Variants in MRTO4 observed in about 807,000 individuals in gnomAD.
The protein encoded by MRTO4 is mRNA turnover protein 4 homolog.
In MRTO4, 7 loss-of-function variants were observed where a neutral mutation model predicts 28.6. That is an observed-to-expected ratio of 0.24 (90% CI 0.14 to 0.46). The LOEUF (loss-of-function observed/expected upper bound fraction) is 0.46, where lower values mean the gene tolerates loss of function less well. Ranked by LOEUF, MRTO4 falls within the 20% of genes least tolerant of loss-of-function variation. The pLI, the probability that MRTO4 is intolerant of heterozygous loss-of-function variation, is 0.99. For missense variants in MRTO4, 302 were observed against 298.3 expected (o/e 1.01, Z -0.09); for synonymous variants, 113 against 108.2 (o/e 1.04, Z -0.27).
At chr1:19,257,310 G>T (rs948104716) in intron 4 of MRTO4, 144 bp from the exon 5 acceptor site, 2 of 1,166,272 alleles carry the variant, frequency 1.7e-6, no homozygotes, top group African/African-American at 1.5e-5. Context: ...CCAAGGAATA[G>T]CAGCTTCCTG....
intron 3 of MRTO4, among the ~76,000 whole-genome samples, chr1:19,256,413 G>T (rs112946021): frequency 7.9e-5 from 12 of 152,202 alleles, no homozygotes; most frequent in Non-Finnish European, 1.6e-4. Flanking sequence ...CTACTCAGGA[G>T]GCTGAAGCAG....
At chr1:19,257,227 C>A in intron 4 of MRTO4, 82 bp downstream of exon 4, 1 of 1,472,674 alleles carries the variant, frequency 6.8e-7, no homozygotes, top group Non-Finnish European at 9.4e-7. Context: ...CCTCCCCCAG[C>A]CATTGGCAGG....
At chr1:19,258,620 C>T (rs1194573903) in intron 7 of MRTO4, 61 bp from the exon 8 acceptor site, 5 of 1,613,694 alleles carry the variant, frequency 3.1e-6, no homozygotes, top group Middle Eastern at 1.6e-4. Context: ...GCTGAAAATG[C>T]CCCCCTGCAC....
At chr1:19,256,601 G>A (rs548694839) in intron 3 of MRTO4, among the ~76,000 whole-genome samples, 2 of 152,314 alleles carry the variant, frequency 1.3e-5, no homozygotes, top group South Asian at 4.1e-4. Context: ...TTCCGGAGAA[G>A]TGGCCCTTTA....
chr1:19,258,311 G>T (rs904385240), intron 6 of MRTO4, among the ~76,000 whole-genome samples, 166 bp from the exon 7 acceptor site: 1 of 152,180 alleles, frequency 6.6e-6, no homozygotes, highest in Non-Finnish European at 1.5e-5. Context: ...AGGAGGTCGA[G>T]GCTGCGGCAA....
At chr1:19,254,538 A>G (rs1387358214) in intron 1 of MRTO4, among the ~76,000 whole-genome samples, 1 of 152,190 alleles carries the variant, frequency 6.6e-6, no homozygotes, top group African/African-American at 2.4e-5. Flanking sequence ...AGAAAGGCCT[A>G]GTTTGTCTAA....
In MRTO4 at chr1:19,259,821, C is replaced by G. The variant is rs555901942; in HGVS notation, c.*991C>G. 6.6e-6 allele frequency: 1 copy of G among 152,396 alleles called. No individual in the cohort carries two copies. The highest frequency in any genetic ancestry group is 6.5e-5 in the Admixed American group (1 of 15,300). 9.4% of individuals were successfully genotyped at this position (152,396 alleles called of 1,614,324 possible). On this transcript the variant is annotated 3_prime_UTR_variant, in exon 8 of 8. Coordinates refer to ENST00000330263, the MANE Select transcript of MRTO4 (RefSeq NM_016183.4). ...TGACATCACTGCAAGAGTTGAGAGC[C>G]AGCGTCTAAAGTGTCCACGGCATCC...
At chr1:19,253,678 T>C (rs2093667148) in intron 1 of MRTO4, among the ~76,000 whole-genome samples, 1 of 152,206 alleles carries the variant, frequency 6.6e-6, no homozygotes, top group Non-Finnish European at 1.5e-5. Flanking sequence ...TCGTTTGCCC[T>C]CCTCTGCTCC....
chr1:19,257,369 C>A, intron 4 of MRTO4, 85 bp from the exon 5 acceptor site: 1 of 1,496,494 alleles, frequency 6.7e-7, no homozygotes, highest in Non-Finnish European at 9.3e-7. Flanking sequence ...TTAAATGTTG[C>A]CAAATGTACC....
chr1:19,258,063 G>A (rs78298527), intron 6 of MRTO4, 79 bp downstream of exon 6: 53,756 of 1,515,250 alleles, frequency 0.035, 1,075 homozygotes, highest in Non-Finnish European at 0.041. Context: ...CTTTCTAGCT[G>A]AGCAAGTTAT....
Position 19,258,460 on chromosome 1 carries a change from G to A in MRTO4, c.494-17G>A, listed in dbSNP as rs201412659. 2.5e-6 allele frequency: 4 copies of A among 1,613,340 alleles called. No homozygotes were observed. Among genetic ancestry groups the A allele is most frequent in the Admixed American group, 1.7e-5 (1 of 60,030 alleles). ...GCCTCTGGGCCAGAGGTAACTGAGAGCCACCCTCTTCTGCAGGTGTGGTGA... is the reference window on the plus strand; with the variant it reads ...GCCTCTGGGCCAGAGGTAACTGAGAACCACCCTCTTCTGCAGGTGTGGTGA... On this transcript the variant is annotated splice_polypyrimidine_tract_variant and intron_variant, in intron 6 of 7. Coordinates refer to ENST00000330263, the MANE Select transcript of MRTO4 (RefSeq NM_016183.4).
In MRTO4 at chr1:19,258,619, G is replaced by GC. The variant is rs1488011634; in HGVS notation, c.571-56dup. ...TGGCTTTCCTCTGCCTGCTGAAAATGCCCCCCTGCACTTTGAATACCTTCA... is the reference window on the plus strand; with the variant it reads ...TGGCTTTCCTCTGCCTGCTGAAAATGCCCCCCCTGCACTTTGAATACCTTCA... On this transcript the variant is annotated intron_variant, in intron 7 of 7. Coordinates refer to ENST00000330263, the MANE Select transcript of MRTO4 (RefSeq NM_016183.4). The GC allele has an allele frequency of 2.2e-5, 35 of 1,613,898 alleles. 1 individual carries two copies. The East Asian group carries it at 6.7e-4, about 31-fold the overall frequency.
chr1:19,257,099 C>T lies in MRTO4; in HGVS notation c.227C>T (p.Ala76Val). The T allele has an allele frequency of 1.2e-6, 2 of 1,614,134 alleles. No individual in the cohort carries two copies. The highest frequency in any genetic ancestry group is 2.2e-5 in the South Asian group (2 of 91,086). ...FFGKNKVMMVALGRSPSDEYK... is the reference protein window; with the variant it reads ...FFGKNKVMMVVLGRSPSDEYK... ...GGCAAAAACAAGGTGATGATGGTGG[C>T]CTTGGGTCGGAGCCCATCTGATGAA... is the stretch of plus-strand genomic sequence containing the variant. The change falls in exon 4 of 8, where the codon GCC becomes GTC. Residue 76 changes from alanine to valine, a missense_variant. Transcript: ENST00000330263.
At position 19,257,925 on chromosome 1, in the gene MRTO4, T is replaced by TC; in HGVS notation, c.439dup (p.His147ProfsTer26). On this transcript the variant is annotated frameshift_variant, in exon 6 of 8. Coordinates refer to ENST00000330263, the MANE Select transcript of MRTO4 (RefSeq NM_016183.4). LOFTEE classifies it high-confidence loss of function. Reference sequence around the variant, plus strand: ...CTGGATCCAGGGCCCCTGGAGCAGTTCCCCCACTCCATGGAGCCACAGCTC... The same window carrying TC: ...CTGGATCCAGGGCCCCTGGAGCAGTTCCCCCCACTCCATGGAGCCACAGCTC... 4 of 1,613,918 alleles carry TC rather than the reference T, an allele frequency of 2.5e-6. No individual in the cohort carries two copies. The highest frequency in any genetic ancestry group is 3.4e-6 in the Non-Finnish European group (4 of 1,180,014).
rs1405564532 is a variant in MRTO4, at chr1:19,253,462, C to T, written c.29-1320C>T. Among the ~76,000 whole-genome samples the T allele has an allele frequency of 2.0e-5, 3 of 152,098 alleles. No homozygotes were observed. The East Asian group carries it at 5.8e-4, about 29-fold the overall frequency. On this transcript the variant is annotated intron_variant, in intron 1 of 7. Coordinates refer to ENST00000330263, the MANE Select transcript of MRTO4 (RefSeq NM_016183.4). Reference sequence around the variant, plus strand: ...CCTTGGCAAGGCATTGGCTTTCCTGCCCAGGTGAAGTGAGTAGCAGAGGAC... The same window carrying T: ...CCTTGGCAAGGCATTGGCTTTCCTGTCCAGGTGAAGTGAGTAGCAGAGGAC...
chr1:19,254,731 A>C, intron 1 of MRTO4, 51 bp from the exon 2 acceptor site: 1 of 1,409,232 alleles, frequency 7.1e-7, no homozygotes, highest in Non-Finnish European at 1.0e-6. Flanking sequence ...ATAAGTCTCC[A>C]GTGCATTTAG....
chr1:19,253,200 CTGA>C (rs766117993), intron 1 of MRTO4, among the ~76,000 whole-genome samples: 3 of 152,128 alleles, frequency 2.0e-5, no homozygotes, highest in Non-Finnish European at 2.9e-5. Context: ...AAAGGTCTCA[CTGA>C]TGAAGTGACA....
chr1:19,255,283 TG>T (rs1173761391), intron 2 of MRTO4, among the ~76,000 whole-genome samples: 2 of 151,774 alleles, frequency 1.3e-5, no homozygotes, highest in Non-Finnish European at 2.9e-5. Context: ...AGCTTGAGTC[TG>T]GGAGCTCAAG....
chr1:19,258,841 G>A lies in MRTO4; in HGVS notation c.*11G>A. The A allele has an allele frequency of 6.2e-7, 1 of 1,612,702 alleles. No homozygotes were observed. Among genetic ancestry groups the A allele is most frequent in the Admixed American group, 1.7e-5 (1 of 59,776 alleles). On this transcript the variant is annotated 3_prime_UTR_variant, in exon 8 of 8. Coordinates refer to ENST00000330263, the MANE Select transcript of MRTO4 (RefSeq NM_016183.4). ...GAAGATGATGACTGAAAGGGACTCGGGACTGAAGGTCTCCTGGAAGCTTCT... is the reference window on the plus strand; with the variant it reads ...GAAGATGATGACTGAAAGGGACTCGAGACTGAAGGTCTCCTGGAAGCTTCT...
Sources: gnomAD v4.1 joint callset for allele counts (sites outside exome capture counted in the v4.1 genomes callset) on GRCh38, gnomAD v4.1.1 for gene constraint, MANE v1.5 for transcripts, NCBI Gene and HGNC (gene_info 2026-07-23, HGNC 2026-07-21) for gene names.